CEP72: variants seen among roughly 807,000 people sequenced by gnomAD.
CEP72 encodes centrosomal protein of 72 kDa.
A neutral mutation model predicts 65.7 loss-of-function variants in CEP72; 78 were observed. That is an observed-to-expected ratio of 1.19 (90% CI 0.99 to 1.43). The LOEUF is 1.43. Ranked by LOEUF, CEP72 falls within the 40% of genes most tolerant of loss-of-function variation. The pLI is 0.00. For synonymous variants in CEP72, 358 were observed against 351.7 expected (o/e 1.02, Z -0.20); for missense variants, 914 against 832.9 (o/e 1.10, Z -1.20).
At chr5:673,481 T>TCCTG in the CEP72 span, among the ~76,000 whole-genome samples, 2 of 151,838 alleles carry the variant, frequency 1.3e-5, no homozygotes, top group Non-Finnish European at 2.9e-5. Context: ...GAGGTCAGAA[T>TCCTG]CCCTTGGCCT....
downstream of CEP72, among the ~76,000 whole-genome samples, chr5:658,645 A>ATTTTTTTTTTTTTTTTTTTTTT (rs70955278): frequency 5.4e-5 from 3 of 55,946 alleles, no homozygotes; most frequent in Non-Finnish European, 1.0e-4. Flanking sequence ...AGCAAAGCTG[A>ATTTTTTTTTTTTTTTTTTTTTT]TTTTTTTTTT....
At position 643,033 on chromosome 5, in the gene CEP72, G is replaced by T. The variant is rs1738161491; in HGVS notation, c.1540-1266G>T. On this transcript the variant is annotated intron_variant, in intron 9 of 11. Coordinates refer to ENST00000264935, the MANE Select transcript of CEP72 (RefSeq NM_018140.4). ...GGGTGCAGTCGGTCCTCTGTTCCCT[G>T]CACCTGTCGTGGCCTAGACTCCAAA... The T allele has an allele frequency of 3.0e-6, 3 of 985,426 alleles. No homozygotes were observed. In the South Asian group the frequency reaches 1.4e-4, roughly 46 times the overall value. The allele number at this position is 985,426 out of a possible 1,614,324, so 61.0% of individuals were successfully genotyped here.
At chr5:649,794 T>G (rs1489679956) in intron 11 of CEP72, among the ~76,000 whole-genome samples, 1 of 28,732 alleles carries the variant, frequency 3.5e-5, no homozygotes, top group Admixed American at 4.9e-4. Context: ...GTGACTGAGG[T>G]GTGACTGTGA....
At chr5:674,353 G>A in the CEP72 span, among the ~76,000 whole-genome samples, 2 of 152,198 alleles carry the variant, frequency 1.3e-5, no homozygotes, top group Non-Finnish European at 2.9e-5. Context: ...AGCACTGGGG[G>A]GCACAGGGGC....
chr5:657,319 T>G (rs1187563311), downstream of CEP72, among the ~76,000 whole-genome samples: 1 of 152,170 alleles, frequency 6.6e-6, no homozygotes, highest in Non-Finnish European at 1.5e-5. Flanking sequence ...GAGCACTGGG[T>G]AGCTGCGTGC....
At chr5:668,914 G>A (rs1052176603), downstream of CEP72, among the ~76,000 whole-genome samples, 2 of 152,180 alleles carry the variant, frequency 1.3e-5, no homozygotes, top group African/African-American at 4.8e-5. Flanking sequence ...AGCCAGGCAC[G>A]GAGGTGCCGC....
At chr5:652,667 C>T (rs1261006254) in intron 11 of CEP72, among the ~76,000 whole-genome samples, 1 of 152,244 alleles carries the variant, frequency 6.6e-6, no homozygotes, top group Non-Finnish European at 1.5e-5. Flanking sequence ...TTATCATCTT[C>T]TCATAAAACC....
the CEP72 span, among the ~76,000 whole-genome samples, chr5:675,274 C>T: frequency 1.3e-3 from 62 of 47,042 alleles, no homozygotes; most frequent in African/African-American, 5.4e-3. Flanking sequence ...GGGTGCAGCC[C>T]AGGGGGTTCA....
chr5:668,877 C>T (rs138895145), downstream of CEP72, among the ~76,000 whole-genome samples: 77 of 152,354 alleles, frequency 5.1e-4, no homozygotes, highest in Middle Eastern at 3.4e-3. Context: ...GCACCCAACG[C>T]GGTGGGTGCC....
chr5:669,073 G>C (rs1490475220), downstream of CEP72, among the ~76,000 whole-genome samples: 1 of 152,238 alleles, frequency 6.6e-6, no homozygotes, highest in African/African-American at 2.4e-5. Context: ...CACACCAAGT[G>C]CTCGGGGTCC....
chr5:638,892 C>T (rs1737805507), intron 7 of CEP72, among the ~76,000 whole-genome samples, 197 bp from the exon 8 acceptor site: 1 of 152,128 alleles, frequency 6.6e-6, no homozygotes, highest in Non-Finnish European at 1.5e-5. Context: ...CTCACTCATC[C>T]AGGACCGGTG....
chr5:624,523 A>C lies in CEP72; in HGVS notation c.456A>C (p.Ala152=). 6.2e-7 allele frequency: 1 copy of C among 1,614,220 alleles called. No homozygotes were observed. The highest frequency in any genetic ancestry group is 8.5e-7 in the Non-Finnish European group (1 of 1,180,026). Residue 152 remains alanine (A), a synonymous_variant, in exon 4 of 12, where the codon GCA becomes GCC. Coordinates refer to ENST00000264935, the MANE Select transcript of CEP72 (RefSeq NM_018140.4). This position sits in a 1 kb window ranked among gnomAD's most constrained non-coding sequence, Gnocchi z 4.7. ...SERKASRLHF[A]SEDSLDSKES... is the part of the protein sequence containing the mutation. ...GGAAGGCTTCCCGACTGCATTTTGC[A>C]TCAGAGGACTCACTCGACTCCAAAG... is the stretch of plus-strand genomic sequence containing the variant.
intron 9 of CEP72, chr5:643,586 T>C (rs1738207360): frequency 4.1e-6 from 4 of 985,248 alleles, no homozygotes; most frequent in Non-Finnish European, 4.8e-6. Context: ...AGGCGCTCCC[T>C]CCCCTGGTGG....
intron 2 of CEP72, chr5:664,873 T>G (rs1580070192): frequency 1.8e-6 from 1 of 562,946 alleles, no homozygotes. Context: ...GAGGCAGGTG[T>G]ATTAGGAGGG....
intron 2 of CEP72, chr5:665,017 G>C: frequency 6.7e-7 from 1 of 1,485,218 alleles, no homozygotes; most frequent in Non-Finnish European, 9.1e-7. Flanking sequence ...TTCTGCCCCA[G>C]TTAGTACAGG....
chr5:632,768 G>A (rs1737281998), intron 4 of CEP72, among the ~76,000 whole-genome samples: 2 of 36,450 alleles, frequency 5.5e-5, no homozygotes, highest in Non-Finnish European at 1.1e-4. Flanking sequence ...CCAGTGCCGG[G>A]ATTTGACCCA....
chr5:649,235 GT>G (rs1738724865), intron 11 of CEP72, among the ~76,000 whole-genome samples: 2 of 112,032 alleles, frequency 1.8e-5, no homozygotes, highest in African/African-American at 8.2e-5. Context: ...TGACTGTGAG[GT>G]GTGACTGTGA....
intron 1 of CEP72, among the ~76,000 whole-genome samples, chr5:618,169 C>T (rs747516771): frequency 1.3e-5 from 2 of 151,840 alleles, no homozygotes; most frequent in Non-Finnish European, 2.9e-5. Flanking sequence ...TGGGGAGAGA[C>T]GGTTTTGGAG....
chr5:651,451 G>T (rs927673815), intron 11 of CEP72, among the ~76,000 whole-genome samples: 3 of 151,972 alleles, frequency 2.0e-5, no homozygotes, highest in African/African-American at 7.3e-5. Flanking sequence ...GGAGAGAGGT[G>T]CATGAGAGAT....
Sources: gnomAD v4.1 joint callset for allele counts (sites outside exome capture counted in the v4.1 genomes callset) on GRCh38, gnomAD v4.1.1 for gene constraint, Gnocchi (gnomAD v3.1) non-coding constraint, MANE v1.5 for transcripts, NCBI Gene and HGNC (gene_info 2026-07-23, HGNC 2026-07-21) for gene names.